Variants in PITPNM3 observed in about 807,000 individuals in gnomAD.
PITPNM3 encodes the protein membrane-associated phosphatidylinositol transfer protein 3.
A neutral mutation model predicts 102.0 loss-of-function variants in PITPNM3; 26 were observed. That is an observed-to-expected ratio of 0.25 (90% CI 0.19 to 0.35). The LOEUF (loss-of-function observed/expected upper bound fraction) is 0.35. PITPNM3 is among the 10% of genes least tolerant of loss of function. PITPNM3 has a pLI of 1.00. For synonymous variants in PITPNM3, 578 were observed against 558.6 expected (o/e 1.03, Z -0.49); for missense variants, 1,083 against 1,346.1 (o/e 0.80, Z 3.06).
At chr17:6,475,420 G>C (rs1307223546) in intron 9 of PITPNM3, among the ~76,000 whole-genome samples, 1 of 152,270 alleles carries the variant, frequency 6.6e-6, no homozygotes, top group African/African-American at 2.4e-5. Context: ...AGAGTGAATC[G>C]ATTAACTGAA....
chr17:6,493,272 C>A (rs192330613), intron 4 of PITPNM3, among the ~76,000 whole-genome samples: 1 of 152,286 alleles, frequency 6.6e-6, no homozygotes, highest in East Asian at 1.9e-4. Flanking sequence ...TCAGGCCCTG[C>A]TGAGGGTATG....
intron 4 of PITPNM3, among the ~76,000 whole-genome samples, chr17:6,501,657 C>T (rs1597387754): frequency 1.3e-5 from 2 of 152,284 alleles, no homozygotes; most frequent in South Asian, 4.1e-4. Context: ...TCAGTCCACT[C>T]TGCCCACCAC....
In PITPNM3 at chr17:6,459,545, G is replaced by A. The variant is rs180965984; in HGVS notation, c.2491-1823C>T. Among the ~76,000 whole-genome samples the A allele has an allele frequency of 2.4e-3, 359 of 152,038 alleles. 1 individual carries two copies. The highest frequency in any genetic ancestry group is 8.2e-3 in the African/African-American group (339 of 41,464). The stretch of plus-strand genomic sequence containing the variant: ...ACTACCCTAAGCCATATCAGGTCCC[G>A]TGGCTGTATCAGCCTTGACATGTCC... On this transcript the variant is annotated intron_variant, in intron 18 of 19. Coordinates refer to ENST00000262483, the MANE Select transcript of PITPNM3 (RefSeq NM_031220.4). The surrounding 1 kb of genome is among the most constrained non-coding windows in gnomAD (Gnocchi z 5.0).
At chr17:6,508,965 T>C (rs1174981026) in intron 3 of PITPNM3, among the ~76,000 whole-genome samples, 1 of 152,184 alleles carries the variant, frequency 6.6e-6, no homozygotes, top group African/African-American at 2.4e-5. Flanking sequence ...GCCACCTAAA[T>C]GAGACCCCAC....
In PITPNM3 at chr17:6,471,317, C is replaced by G; in HGVS notation, c.1468G>C (p.Gly490Arg). 1 of 1,608,712 alleles carries G rather than the reference C, an allele frequency of 6.2e-7. No individual in the cohort carries two copies. Among genetic ancestry groups the G allele is most frequent in the Admixed American group, 1.7e-5 (1 of 59,718 alleles). ...LHTHSPLFLEGSSRDSPPLLD... is the reference protein window; with the variant it reads ...LHTHSPLFLERSSRDSPPLLD... ...AGTGGCGGGCTGTCCCGGGAGCTGC[C>G]CTCCAGGAAGAGGGGGCTGTGGGTG... The change falls in exon 12 of 20, where the codon GGC becomes CGC. Residue 490 changes from glycine (G) to arginine (R), a missense_variant. Transcript: ENST00000262483.
chr17:6,534,271 C>T (rs1909294843), intron 2 of PITPNM3, among the ~76,000 whole-genome samples: 2 of 152,310 alleles, frequency 1.3e-5, no homozygotes, highest in African/African-American at 4.8e-5. Context: ...AGCCCCAGAC[C>T]TGCCACCTTA....
Position 6,470,349 on chromosome 17 carries a change from G to C in PITPNM3, c.1684C>G (p.Leu562Val). 6.2e-7 allele frequency: 1 copy of C among 1,614,170 alleles called. No homozygotes were observed. Among genetic ancestry groups the C allele is most frequent in the Non-Finnish European group, 8.5e-7 (1 of 1,180,012 alleles). ...IDYALYCPDVLTAFPTVALPH... is the reference protein window; with the variant it reads ...IDYALYCPDVVTAFPTVALPH... The stretch of plus-strand genomic sequence containing the variant: ...AGGGCCACGGTGGGGAAGGCCGTGA[G>C]GACATCAGGGCAGTACAGGGCATAG... Residue 562 changes from leucine to valine, a missense_variant, in exon 13 of 20, where the codon CTC becomes GTC. Coordinates refer to ENST00000262483, the MANE Select transcript of PITPNM3 (RefSeq NM_031220.4). This position sits in a 1 kb window ranked among gnomAD's most constrained non-coding sequence, Gnocchi z 4.8.
intron 4 of PITPNM3, among the ~76,000 whole-genome samples, chr17:6,488,079 A>C (rs546947398): frequency 6.6e-6 from 1 of 151,972 alleles, no homozygotes; most frequent in East Asian, 1.9e-4. Context: ...GAGCTTCCCC[A>C]CAGAAAGGCA....
chr17:6,461,294 G>A, intron 18 of PITPNM3, 79 bp downstream of exon 18: 2 of 1,509,994 alleles, frequency 1.3e-6, no homozygotes, highest in Non-Finnish European at 1.8e-6. Context: ...CCCCACCCGG[G>A]AGGAGGGAGA....
At chr17:6,513,413 C>A (rs182584679) in intron 3 of PITPNM3, among the ~76,000 whole-genome samples, 2 of 152,106 alleles carry the variant, frequency 1.3e-5, no homozygotes, top group African/African-American at 4.8e-5. Context: ...ACTAAAGAAT[C>A]CCCCCAAAAA....
rs904137732 is a variant in PITPNM3 at position 6,464,408 on chromosome 17, G to T, written c.2008-90C>A. The T allele has an allele frequency of 1.1e-4, 151 of 1,373,000 alleles. No individual in the cohort carries two copies. In the African/African-American group the frequency reaches 1.7e-3, roughly 16 times the overall value. The allele number at this position is 1,373,000 out of a possible 1,614,324, so 85.1% of individuals were successfully genotyped here. A position where few individuals can be genotyped will look rare whatever the true frequency, so the allele number is the denominator to read the frequency against. ...CTGGGCGGGGGAACTCTGGGCTGAG[G>T]TCCCTGCCTGACATTCCCTGGCTCC... On this transcript the variant is annotated intron_variant, in intron 15 of 19. Coordinates refer to ENST00000262483, the MANE Select transcript of PITPNM3 (RefSeq NM_031220.4).
chr17:6,476,229 T>C (rs574838596), intron 9 of PITPNM3, among the ~76,000 whole-genome samples: 114 of 152,344 alleles, frequency 7.5e-4, no homozygotes, highest in Middle Eastern at 3.4e-3. Flanking sequence ...ATGAGACTGT[T>C]GGCTCCCTCT....
chr17:6,476,883 A>G (rs1167786813), intron 9 of PITPNM3, 146 bp downstream of exon 9: 1 of 985,372 alleles, frequency 1.0e-6, no homozygotes, highest in African/African-American at 1.6e-5. Flanking sequence ...CCCTCAGTAC[A>G]GGGCCGATGG....
chr17:6,534,864 G>A (rs1231903729), intron 2 of PITPNM3, among the ~76,000 whole-genome samples: 1 of 152,162 alleles, frequency 6.6e-6, no homozygotes, highest in African/African-American at 2.4e-5. Flanking sequence ...GGGACAGAAG[G>A]CTGCCCAGGC....
Position 6,469,569 on chromosome 17 carries a change from G to A in PITPNM3, c.1773+691C>T, listed in dbSNP as rs1904957623. On this transcript the variant is annotated intron_variant, in intron 13 of 19. Coordinates refer to ENST00000262483, the MANE Select transcript of PITPNM3 (RefSeq NM_031220.4). The surrounding 1 kb of genome is among the most constrained non-coding windows in gnomAD (Gnocchi z 4.0). ...TCTCCTACAACGCAGACAGCCACAA[G>A]CGCTCTCACCGTAATGCAAATCTTG... is the stretch of plus-strand genomic sequence containing the variant. Among the ~76,000 whole-genome samples the A allele has an allele frequency of 6.6e-6, 1 of 152,184 alleles. No individual in the cohort carries two copies. The highest frequency in any genetic ancestry group is 2.1e-4 in the South Asian group (1 of 4,822).
At chr17:6,538,151 A>AC (rs2150665346) in intron 1 of PITPNM3, 69 bp from the exon 2 acceptor site, 1 of 1,161,682 alleles carries the variant, frequency 8.6e-7, no homozygotes, top group African/African-American at 1.5e-5. Context: ...GTGACCCAAG[A>AC]CCCCCCTGGA....
intron 3 of PITPNM3, chr17:6,521,202 A>C (rs531479346): frequency 6.6e-6 from 1 of 152,428 alleles, no homozygotes; most frequent in East Asian, 1.9e-4. Context: ...ACTTGAGGTC[A>C]GGAGTTCAAG....
At chr17:6,515,266 C>A (rs952358488) in intron 3 of PITPNM3, among the ~76,000 whole-genome samples, 1 of 151,714 alleles carries the variant, frequency 6.6e-6, no homozygotes, top group Non-Finnish European at 1.5e-5. Flanking sequence ...GACCTGGTGG[C>A]GGGCACCTGT....
chr17:6,476,455 T>C (rs988019962), intron 9 of PITPNM3, among the ~76,000 whole-genome samples: 1 of 152,222 alleles, frequency 6.6e-6, no homozygotes, highest in Non-Finnish European at 1.5e-5. Context: ...ATGTCTCTTC[T>C]AGAAAGTTAA....
Sources: allele counts gnomAD v4.1 joint callset (sites outside exome capture counted in the v4.1 genomes callset), GRCh38; gene constraint gnomAD v4.1.1; non-coding constraint Gnocchi (gnomAD v3.1); transcripts MANE v1.5; gene names NCBI Gene and HGNC (gene_info 2026-07-23, HGNC 2026-07-21).